The following PPP6R2 variants were observed in gnomAD, a reference collection of about 807,000 sequenced individuals.
PPP6R2 encodes the protein serine/threonine-protein phosphatase 6 regulatory subunit 2.
In PPP6R2, 62 loss-of-function variants were observed where a neutral mutation model predicts 100.2. The observed-to-expected ratio is 0.62, with a 90% CI of 0.50 to 0.76. PPP6R2 has a LOEUF of 0.76. Among genes scored for constraint, PPP6R2 ranks in the 30% least tolerant of loss-of-function variants. PPP6R2 has a pLI of 0.00. For missense variants in PPP6R2, 1,142 were observed against 1,276.3 expected (o/e 0.89, Z 1.60); for synonymous variants, 525 against 514.7 (o/e 1.02, Z -0.27).
chr22:50,415,682 G>T (rs748984065), intron 5 of PPP6R2, among the ~76,000 whole-genome samples: 2 of 152,252 alleles, frequency 1.3e-5, no homozygotes, highest in Non-Finnish European at 2.9e-5. Context: ...CACAGTGTTC[G>T]TGTAGCCTCT....
intron 6 of PPP6R2, among the ~76,000 whole-genome samples, chr22:50,416,961 A>G (rs1439925948): frequency 6.6e-6 from 1 of 151,880 alleles, no homozygotes; most frequent in Non-Finnish European, 1.5e-5. Flanking sequence ...CTCAACAAAC[A>G]AGCAAACCAA....
intron 8 of PPP6R2, among the ~76,000 whole-genome samples, chr22:50,421,452 C>T (rs1290274073): frequency 6.6e-6 from 1 of 152,238 alleles, no homozygotes; most frequent in Non-Finnish European, 1.5e-5. Flanking sequence ...AAGCGATCCT[C>T]CCACCTGTCC....
intron 9 of PPP6R2, among the ~76,000 whole-genome samples, chr22:50,422,846 G>T (rs1178190298): frequency 1.3e-5 from 2 of 152,166 alleles, no homozygotes; most frequent in Non-Finnish European, 2.9e-5. Flanking sequence ...GCACCCTCCT[G>T]ACCTATAGCT....
At chr22:50,384,428 G>A (rs1473383915) in intron 2 of PPP6R2, among the ~76,000 whole-genome samples, 1 of 152,038 alleles carries the variant, frequency 6.6e-6, no homozygotes, top group Admixed American at 6.6e-5. Flanking sequence ...CGTGGCGGGT[G>A]CCTGTAGTCC....
intron 1 of PPP6R2, among the ~76,000 whole-genome samples, chr22:50,364,548 TAAA>T (rs1450288287): frequency 2.0e-5 from 3 of 152,178 alleles, no homozygotes; most frequent in African/African-American, 7.2e-5. Flanking sequence ...TAATTAAAAA[TAAA>T]AATATTTAAA....
At chr22:50,375,840 T>TTTTTTTTC (rs1225878792) in intron 2 of PPP6R2, among the ~76,000 whole-genome samples, 1 of 130,000 alleles carries the variant, frequency 7.7e-6, no homozygotes, top group African/African-American at 3.3e-5. Flanking sequence ...AGATTTTTTT[T>TTTTTTTTC]TTTTTTTTTT....
rs776372885 is a variant in PPP6R2 at position 50,401,449 on chromosome 22, C to T, written c.228-5240C>T. ...GTCTCGATCTCCTGACCTCGTGATC[C>T]GCCCGCCTCGGCCTCCCAAAGTGCT... On this transcript the variant is annotated intron_variant, in intron 3 of 23. Coordinates refer to ENST00000612753, the MANE Select transcript of PPP6R2 (RefSeq NM_001242898.2). Among the ~76,000 whole-genome samples the T allele has an allele frequency of 1.3e-3, 141 of 106,824 alleles. 1 individual carries two copies. The highest frequency in any genetic ancestry group is 3.2e-3 in the South Asian group (9 of 2,852). The allele number at this position is 106,824 out of a possible 152,430, so 70.1% of individuals were successfully genotyped here. A position where few individuals can be genotyped will look rare whatever the true frequency, so the allele number is the denominator to read the frequency against.
At chr22:50,400,814 G>A (rs1207629715) in intron 3 of PPP6R2, among the ~76,000 whole-genome samples, 1 of 152,124 alleles carries the variant, frequency 6.6e-6, no homozygotes, top group East Asian at 1.9e-4. Flanking sequence ...TTGTTGTTCT[G>A]GGCTCCCTGA....
chr22:50,368,981 G>A lies in PPP6R2; in HGVS notation c.-147-3039G>A, dbSNP rs553274241. Among the ~76,000 whole-genome samples, 12 of 152,354 alleles carry A rather than the reference G, an allele frequency of 7.9e-5. No homozygotes were observed. The South Asian group carries it at 2.5e-3, about 32-fold the overall frequency. On this transcript the variant is annotated intron_variant, in intron 1 of 23. Coordinates refer to ENST00000612753, the MANE Select transcript of PPP6R2 (RefSeq NM_001242898.2). ...TGGCCGGGTGCAGTGGCTCACGCCT[G>A]TAATCCCAGCACTTTGGGAGGCCGA...
chr22:50,422,696 C>A (rs547081573), intron 9 of PPP6R2, among the ~76,000 whole-genome samples: 36 of 152,242 alleles, frequency 2.4e-4, no homozygotes, highest in African/African-American at 8.7e-4. Flanking sequence ...CAGGGGGTGG[C>A]AGGGGAGGCC....
intron 4 of PPP6R2, among the ~76,000 whole-genome samples, chr22:50,409,467 C>T (rs777940469): frequency 5.9e-5 from 9 of 151,996 alleles, no homozygotes; most frequent in African/African-American, 1.2e-4. Flanking sequence ...CTTGCTCTGT[C>T]GCCAGGCTGA....
At chr22:50,379,325 G>A (rs151094468) in intron 2 of PPP6R2, among the ~76,000 whole-genome samples, 8 of 151,938 alleles carry the variant, frequency 5.3e-5, no homozygotes, top group Non-Finnish European at 8.8e-5. Context: ...GTGAAACCCC[G>A]TCTCTACAAA....
intron 3 of PPP6R2, among the ~76,000 whole-genome samples, chr22:50,405,950 T>TGAGAGGCCTGGAGAGAGGC (rs2058843818): frequency 3.8e-5 from 2 of 52,174 alleles, no homozygotes; most frequent in Non-Finnish European, 7.4e-5. Context: ...TGGAGAGAGG[T>TGAGAGGCCTGGAGAGAGGC]GAGAGGCCTG....
intron 2 of PPP6R2, among the ~76,000 whole-genome samples, chr22:50,376,918 T>C (rs912118700): frequency 1.3e-5 from 2 of 151,848 alleles, no homozygotes; most frequent in Non-Finnish European, 2.9e-5. Context: ...TCCCAGCTAC[T>C]CGGGAGGCTG....
intron 1 of PPP6R2, among the ~76,000 whole-genome samples, chr22:50,369,274 A>G (rs1466765632): frequency 6.7e-6 from 1 of 149,812 alleles, no homozygotes; most frequent in Non-Finnish European, 1.5e-5. Context: ...TTTATTTTGA[A>G]AACTGTATAA....
intron 9 of PPP6R2, 109 bp downstream of exon 9, chr22:50,422,489 A>T: frequency 6.9e-7 from 1 of 1,445,202 alleles, no homozygotes; most frequent in East Asian, 2.4e-5. Context: ...GTGTGGAGTG[A>T]ATGTGTTCTA....
At position 50,437,084 on chromosome 22, in the gene PPP6R2, G is replaced by A. The variant is rs1471273395; in HGVS notation, c.1683+16G>A. ...CCTTCAGCAGGTGAGGGCGTGGCCG[G>A]CACCTGCACCCTGCCGGGCCCTTCC... On this transcript the variant is annotated intron_variant, in intron 15 of 23. Coordinates refer to ENST00000612753, the MANE Select transcript of PPP6R2 (RefSeq NM_001242898.2). 1 of 1,551,340 alleles carries A rather than the reference G, an allele frequency of 6.4e-7. No homozygotes were observed. The highest frequency in any genetic ancestry group is 8.7e-7 in the Non-Finnish European group (1 of 1,147,546).
intron 2 of PPP6R2, among the ~76,000 whole-genome samples, chr22:50,382,648 G>A (rs566712417): frequency 6.6e-6 from 1 of 152,120 alleles, no homozygotes; most frequent in South Asian, 2.1e-4. Context: ...AACCTTTATG[G>A]AGAGCACTAT....
chr22:50,393,982 A>T lies in PPP6R2; in HGVS notation c.74A>T (p.Gln25Leu). The T allele has an allele frequency of 6.2e-7, 1 of 1,614,220 alleles. No individual in the cohort carries two copies. Among genetic ancestry groups the T allele is most frequent in the South Asian group, 1.1e-5 (1 of 91,088 alleles). ...CTGGACAAGGAGCATGTGACGCTGC[A>T]GGAGTTAATGGATGAAGATGACATC... ...KLLDKEHVTL[Q>L]ELMDEDDILQ... Residue 25 changes from glutamine to leucine, a missense_variant, in exon 3 of 24, where the codon CAG becomes CTG. Physicochemically the swap from Gln to Leu is moderately radical, Grantham distance 113. Transcript: ENST00000612753.
Sources: allele counts gnomAD v4.1 joint callset (sites outside exome capture counted in the v4.1 genomes callset), GRCh38; gene constraint gnomAD v4.1.1; transcripts MANE v1.5; gene names NCBI Gene and HGNC (gene_info 2026-07-23, HGNC 2026-07-21).